Variants in LOXHD1 observed in about 807,000 individuals in gnomAD.
LOXHD1 encodes the protein lipoxygenase homology PLAT domains 1.
Under a neutral mutation model 248.2 loss-of-function variants are expected in LOXHD1, and 205 were observed. The ratio of observed to expected loss-of-function variants is 0.83; its 90% CI spans 0.74 to 0.93. The LOEUF (loss-of-function observed/expected upper bound fraction) is 0.93, where lower values mean the gene tolerates loss of function less well. LOXHD1 is among the 40% of genes least tolerant of loss of function. LOXHD1 has a pLI of 0.00. For missense variants in LOXHD1, 2,930 were observed against 2,971.6 expected, an observed-to-expected ratio of 0.99 and a Z score of 0.33; for synonymous variants, 1,113 against 1,162.8, an observed-to-expected ratio of 0.96 and a Z score of 0.87.
At chr18:46,522,762 C>T (rs74837425) in intron 31 of LOXHD1, among the ~76,000 whole-genome samples, 1 of 152,084 alleles carries the variant, frequency 6.6e-6, no homozygotes, top group Non-Finnish European at 1.5e-5. Flanking sequence ...ATCATATATG[C>T]CACATAGTGA....
chr18:46,592,432 A>G, intron 11 of LOXHD1, 66 bp downstream of exon 11: 2 of 1,314,520 alleles, frequency 1.5e-6, no homozygotes, highest in Middle Eastern at 1.8e-4. Context: ...TGACAGGGTC[A>G]TTGAAAAGGG....
At chr18:46,571,650 C>A (rs1459068914) in intron 15 of LOXHD1, among the ~76,000 whole-genome samples, 1 of 152,130 alleles carries the variant, frequency 6.6e-6, no homozygotes, top group African/African-American at 2.4e-5. Flanking sequence ...AGATAAGTTT[C>A]TTTTAATTTT....
intron 33 of LOXHD1, 114 bp downstream of exon 33, chr18:46,520,983 C>A (rs186384108): frequency 8.0e-7 from 1 of 1,254,780 alleles, no homozygotes. Context: ...GCAGCGCCTG[C>A]GGATGCCCCA....
intron 5 of LOXHD1, among the ~76,000 whole-genome samples, chr18:46,614,778 A>C (rs2038561588): frequency 6.6e-6 from 1 of 151,862 alleles, no homozygotes; most frequent in Non-Finnish European, 1.5e-5. Flanking sequence ...AAATAAGACT[A>C]ATCTGTACAT....
At chr18:46,654,117 G>T (rs149966417) in intron 1 of LOXHD1, among the ~76,000 whole-genome samples, 7 of 152,302 alleles carry the variant, frequency 4.6e-5, no homozygotes, top group African/African-American at 1.2e-4. Context: ...AAAGGGGCTT[G>T]TCCTTCTGCC....
intron 38 of LOXHD1, among the ~76,000 whole-genome samples, chr18:46,488,249 G>T (rs1169277295): frequency 6.6e-6 from 1 of 152,162 alleles, no homozygotes; most frequent in East Asian, 1.9e-4. Flanking sequence ...AAGGAGCTTG[G>T]GTCCCTAAAT....
chr18:46,578,718 G>T (rs1179990913), intron 13 of LOXHD1, among the ~76,000 whole-genome samples: 3 of 152,232 alleles, frequency 2.0e-5, no homozygotes, highest in Non-Finnish European at 4.4e-5. Flanking sequence ...CCTTCACCCT[G>T]CTGAGCTCCC....
intron 21 of LOXHD1, among the ~76,000 whole-genome samples, chr18:46,550,516 T>C (rs1374803103): frequency 7.3e-6 from 1 of 136,154 alleles, no homozygotes; most frequent in East Asian, 2.1e-4. Context: ...GAGCTTGCAG[T>C]GAGCCGAGAT....
At chr18:46,557,118 T>G (rs2037371394) in intron 21 of LOXHD1, among the ~76,000 whole-genome samples, 1 of 147,220 alleles carries the variant, frequency 6.8e-6, no homozygotes. Flanking sequence ...GCCTCAGACA[T>G]CACCCCCAGC....
intron 34 of LOXHD1, among the ~76,000 whole-genome samples, chr18:46,511,233 T>C (rs1439036896): frequency 1.3e-5 from 2 of 152,170 alleles, no homozygotes; most frequent in Non-Finnish European, 2.9e-5. Flanking sequence ...TAAAACCATC[T>C]AAAGTGAAGG....
Position 46,593,442 on chromosome 18 carries a change from T to C in LOXHD1, c.1431+158A>G, listed in dbSNP as rs142355719. ...CATTCAATACATTGCTTACAAATCATCAAATTTGTCTCCCTTTGCAGGGAC... is the reference window on the plus strand; with the variant it reads ...CATTCAATACATTGCTTACAAATCACCAAATTTGTCTCCCTTTGCAGGGAC... On this transcript the variant is annotated intron_variant, in intron 10 of 40. Transcript: ENST00000642948. Among the ~76,000 whole-genome samples the C allele has an allele frequency of 7.2e-5, 11 of 152,322 alleles. No individual in the cohort carries two copies. The East Asian group carries it at 2.1e-3, about 29-fold the overall frequency.
At chr18:46,538,040 C>T (rs1294718405) in intron 26 of LOXHD1, 116 bp downstream of exon 26, 12 of 933,940 alleles carry the variant, frequency 1.3e-5, no homozygotes, top group Non-Finnish European at 1.7e-5. Flanking sequence ...GCTCACCTTC[C>T]TCTCTAATAG....
At chr18:46,646,292 C>G (rs950246550) in intron 2 of LOXHD1, among the ~76,000 whole-genome samples, 1 of 152,156 alleles carries the variant, frequency 6.6e-6, no homozygotes, top group Non-Finnish European at 1.5e-5. Context: ...CTAGACCTCA[C>G]GGAGCAAGGG....
At chr18:46,636,899 AC>A (rs906210979) in intron 4 of LOXHD1, among the ~76,000 whole-genome samples, 1 of 152,194 alleles carries the variant, frequency 6.6e-6, no homozygotes, top group Non-Finnish European at 1.5e-5. Flanking sequence ...TAATCCCAGC[AC>A]TTTGGGAGGC....
At chr18:46,580,046 G>A (rs951758904) in intron 12 of LOXHD1, among the ~76,000 whole-genome samples, 1 of 152,244 alleles carries the variant, frequency 6.6e-6, no homozygotes, top group African/African-American at 2.4e-5. Flanking sequence ...AGACAGACCA[G>A]AGGTTCCCAA....
intron 4 of LOXHD1, among the ~76,000 whole-genome samples, chr18:46,634,138 T>C (rs951042588): frequency 6.6e-6 from 1 of 152,210 alleles, no homozygotes; most frequent in African/African-American, 2.4e-5. Flanking sequence ...CCCATGTTCA[T>C]AGCAGCATTA....
chr18:46,490,912 CCTT>C (rs2033426335), intron 37 of LOXHD1, among the ~76,000 whole-genome samples: 2 of 152,218 alleles, frequency 1.3e-5, no homozygotes, highest in Admixed American at 6.5e-5. Context: ...GAAGATGAGA[CCTT>C]CTGCCTCAAG....
In LOXHD1 at chr18:46,592,541, C is replaced by G; in HGVS notation, c.1475G>C (p.Trp492Ser). ...DLGRFYKIRV[W>S]HDKRSSGSGW... is the part of the protein sequence containing the mutation. ...AGAACCAGAACTCCTTTTATCATGCCATACTCGAATCTTATAAAACCTGCC... is the reference window on the plus strand; with the variant it reads ...AGAACCAGAACTCCTTTTATCATGCGATACTCGAATCTTATAAAACCTGCC... Residue 492 changes from tryptophan (W) to serine (S), a missense_variant, in exon 11 of 41, where the codon TGG becomes TCG. By Grantham distance (177) the Trp-to-Ser change is radical. Transcript: ENST00000642948. 1 of 1,551,634 alleles carries G rather than the reference C, an allele frequency of 6.4e-7. No homozygotes were observed. Among genetic ancestry groups the G allele is most frequent in the Non-Finnish European group, 8.7e-7 (1 of 1,146,948 alleles).
At chr18:46,631,372 A>G (rs2038819892) in intron 4 of LOXHD1, among the ~76,000 whole-genome samples, 1 of 152,306 alleles carries the variant, frequency 6.6e-6, no homozygotes, top group East Asian at 1.9e-4. Flanking sequence ...AGCACGTGTG[A>G]ACCACAGGGA....
Sources: allele counts gnomAD v4.1 joint callset (sites outside exome capture counted in the v4.1 genomes callset), GRCh38; gene constraint gnomAD v4.1.1; transcripts MANE v1.5; gene names NCBI Gene and HGNC (gene_info 2026-07-23, HGNC 2026-07-21).